Variants in RGS12 observed in about 807,000 individuals in gnomAD.
The protein encoded by RGS12 is regulator of G-protein signaling 12.
In RGS12, 66 loss-of-function variants were observed where a neutral mutation model predicts 120.1. That is an observed-to-expected ratio of 0.55 (90% confidence interval 0.45 to 0.67). The LOEUF is 0.67. Among genes scored for constraint, RGS12 ranks in the 30% least tolerant of loss-of-function variants. The pLI is 0.00. For synonymous variants in RGS12, 827 were observed against 804.7 expected, an observed-to-expected ratio of 1.03 and a Z score of -0.47; for missense variants, 1,859 against 1,957.7, an observed-to-expected ratio of 0.95 and a Z score of 0.95.
chr4:3,333,621 G>A (rs772402784), intron 2 of RGS12, among the ~76,000 whole-genome samples: 1 of 152,144 alleles, frequency 6.6e-6, no homozygotes, highest in Non-Finnish European at 1.5e-5. Flanking sequence ...GATCAGCAGT[G>A]CTCCCTCTGT....
rs762904325 is a variant in RGS12 at position 3,428,284 on chromosome 4, C to A, written c.3411+115C>A. ...CCTGCTTATCACTGTGTGTCTCCCC[C>A]ACGCTCCTTGGCGGGGTCTCTCTCG... On this transcript the variant is annotated intron_variant, in intron 15 of 17. Transcript: ENST00000336727. 8.9e-6 allele frequency: 9 copies of A among 1,015,706 alleles called. 1 individual carries two copies. The South Asian group carries it at 1.2e-4, about 13-fold the overall frequency. The allele number at this position is 1,015,706 out of a possible 1,614,324, so 62.9% of individuals were successfully genotyped here.
intron 4 of RGS12, among the ~76,000 whole-genome samples, chr4:3,409,942 G>T (rs1721556023): frequency 6.6e-6 from 1 of 152,218 alleles, no homozygotes. Flanking sequence ...CTGTCCCCCA[G>T]GGTGAACTTC....
chr4:3,335,275 G>A (rs138601290), intron 2 of RGS12, among the ~76,000 whole-genome samples: 8 of 152,118 alleles, frequency 5.3e-5, no homozygotes, highest in South Asian at 4.1e-4. Flanking sequence ...TTCCTTACAC[G>A]TTACTCTGTA....
At chr4:3,378,357 A>T (rs376715801) in intron 3 of RGS12, 1 of 151,750 alleles carries the variant, frequency 6.6e-6, no homozygotes, top group Non-Finnish European at 1.5e-5. Flanking sequence ...TTCGGCGATG[A>T]TTTTTTTTTG....
intron 9 of RGS12, chr4:3,418,061 C>T (rs987634464): frequency 6.5e-6 from 1 of 152,852 alleles, no homozygotes; most frequent in Admixed American, 6.5e-5. Flanking sequence ...GAGTAGTGAG[C>T]ATTTTTCAAG....
chr4:3,436,392 G>A (rs1724810001), intron 17 of RGS12, among the ~76,000 whole-genome samples: 4 of 152,226 alleles, frequency 2.6e-5, no homozygotes, highest in Admixed American at 1.3e-4. Flanking sequence ...TCCAAGGGGC[G>A]CTGGGGAGGC....
At chr4:3,375,234 C>T (rs1275517154) in intron 3 of RGS12, among the ~76,000 whole-genome samples, 1 of 151,910 alleles carries the variant, frequency 6.6e-6, no homozygotes, top group Admixed American at 6.6e-5. Flanking sequence ...GCGTGAACTC[C>T]AGCCTCATCT....
At chr4:3,430,299 T>TA in intron 16 of RGS12, 108 bp from the exon 17 acceptor site, 1 of 960,302 alleles carries the variant, frequency 1.0e-6, no homozygotes, top group Non-Finnish European at 1.6e-6. Context: ...CCACAGCTGA[T>TA]AGGGTGTTAG....
In RGS12 at chr4:3,389,263, G is replaced by A. The variant is rs1443597060; in HGVS notation, c.2020+2826G>A. Among the ~76,000 whole-genome samples, 1 of 152,102 alleles carries A rather than the reference G, an allele frequency of 6.6e-6. No individual in the cohort carries two copies. ...CCGTTTGTAGCCAAAGAGTGCCCTC[G>A]GGAAAAAGGGTTACAGCTGGTCTCT... On this transcript the variant is annotated intron_variant, in intron 4 of 17. Transcript: ENST00000336727. This position sits in a 1 kb window ranked among gnomAD's most constrained non-coding sequence, Gnocchi z 5.2.
At chr4:3,392,889 G>A (rs889707597) in intron 4 of RGS12, among the ~76,000 whole-genome samples, 1 of 152,224 alleles carries the variant, frequency 6.6e-6, no homozygotes, top group African/African-American at 2.4e-5. Context: ...TCGGGAGGCT[G>A]AGGCAGGAGA....
intron 4 of RGS12, among the ~76,000 whole-genome samples, chr4:3,388,352 T>C (rs564100388): frequency 6.6e-6 from 1 of 152,382 alleles, no homozygotes; most frequent in African/African-American, 2.4e-5. Flanking sequence ...GTTTTTGTTA[T>C]TTTTCCATCT....
intron 1 of RGS12, among the ~76,000 whole-genome samples, chr4:3,308,465 G>C (rs1489667674): frequency 6.6e-6 from 1 of 152,222 alleles, no homozygotes; most frequent in Non-Finnish European, 1.5e-5. Context: ...GTCTTGGAGC[G>C]GGGCTAGCGA....
chr4:3,409,453 C>T (rs957101753), intron 4 of RGS12, among the ~76,000 whole-genome samples: 9 of 152,360 alleles, frequency 5.9e-5, no homozygotes, highest in African/African-American at 2.2e-4. Flanking sequence ...TTAGTCAATA[C>T]ACCAGTCATC....
At chr4:3,342,463 T>G in intron 2 of RGS12, 1 of 1,287,820 alleles carries the variant, frequency 7.8e-7, no homozygotes. Context: ...ACCAGCTGAA[T>G]GCTTAGGGAT....
Position 3,372,780 on chromosome 4 carries a change from C to G in RGS12, c.1999-13636C>G, listed in dbSNP as rs1717174374. On this transcript the variant is annotated intron_variant, in intron 3 of 17. Transcript: ENST00000336727. This position sits in a 1 kb window ranked among gnomAD's most constrained non-coding sequence, Gnocchi z 4.3. ...GCGGTGTAGATTTGTCTTCATTTCT[C>G]TCAGCACGGGGTTGTCTTCAGGCTG... 6.6e-6 allele frequency among the ~76,000 whole-genome samples: 1 copy of G among 151,888 alleles called. No individual in the cohort carries two copies. Among genetic ancestry groups the G allele is most frequent in the Admixed American group, 6.6e-5 (1 of 15,250 alleles).
At chr4:3,310,905 A>G (rs543346153) in intron 1 of RGS12, among the ~76,000 whole-genome samples, 1 of 152,268 alleles carries the variant, frequency 6.6e-6, no homozygotes, top group African/African-American at 2.4e-5. Flanking sequence ...CTGGGTTCAA[A>G]TCCACCTTTG....
intron 1 of RGS12, among the ~76,000 whole-genome samples, chr4:3,294,789 G>A (rs142815678): frequency 0.012 from 1,776 of 152,344 alleles, 27 homozygotes; most frequent in Middle Eastern, 0.034. Flanking sequence ...GCAATGATGC[G>A]GATGCCTCTG....
At chr4:3,362,983 G>A (rs1715865769) in intron 3 of RGS12, among the ~76,000 whole-genome samples, 1 of 151,648 alleles carries the variant, frequency 6.6e-6, no homozygotes, top group African/African-American at 2.4e-5. Flanking sequence ...GTGTGAGGGT[G>A]TGTATATGTG....
At chr4:3,402,156 T>C (rs1005011211) in intron 4 of RGS12, among the ~76,000 whole-genome samples, 1 of 152,278 alleles carries the variant, frequency 6.6e-6, no homozygotes, top group African/African-American at 2.4e-5. Flanking sequence ...TATCAGAAGT[T>C]ATATAAAAGG....
Sources: allele counts gnomAD v4.1 joint callset (sites outside exome capture counted in the v4.1 genomes callset), GRCh38; gene constraint gnomAD v4.1.1; non-coding constraint Gnocchi (gnomAD v3.1); transcripts MANE v1.5; gene names NCBI Gene and HGNC (gene_info 2026-07-23, HGNC 2026-07-21).